The following PPARGC1A variants were observed in gnomAD, a reference collection of about 807,000 sequenced individuals.
PPARGC1A encodes the protein PPARG coactivator 1 alpha.
In PPARGC1A, 25 loss-of-function variants were observed where a neutral mutation model predicts 88.7. The observed-to-expected ratio is 0.28, with a 90% CI of 0.21 to 0.39. PPARGC1A has a LOEUF of 0.39. Ranked by LOEUF, PPARGC1A falls within the 10% of genes least tolerant of loss-of-function variation. The pLI, the probability that PPARGC1A is intolerant of heterozygous loss-of-function variation, is 1.00. For synonymous variants in PPARGC1A, 363 were observed against 355.6 expected (o/e 1.02, Z -0.24); for missense variants, 880 against 968.7 (o/e 0.91, Z 1.22).
intron 10 of PPARGC1A, among the ~76,000 whole-genome samples, chr4:23,811,491 T>G (rs1720887647): frequency 6.6e-6 from 1 of 152,172 alleles, no homozygotes; most frequent in Non-Finnish European, 1.5e-5. Context: ...GAGCATCATG[T>G]CAGAAAAGAC....
At chr4:24,270,325 C>CTGTGTGTGTGTGTG in the PPARGC1A span, among the ~76,000 whole-genome samples, 2 of 67,322 alleles carry the variant, frequency 3.0e-5, no homozygotes, top group African/African-American at 1.2e-4. Context: ...CTCTCTCTCT[C>CTGTGTGTGTGTGTG]TCTCTCTCTG....
the PPARGC1A span, among the ~76,000 whole-genome samples, chr4:24,286,112 T>A: frequency 1.6e-4 from 24 of 152,020 alleles, no homozygotes; most frequent in South Asian, 4.6e-3. Context: ...AATCTCTGCA[T>A]GCAAGCATGT....
chr4:23,843,181 T>C (rs764196035), intron 2 of PPARGC1A, among the ~76,000 whole-genome samples: 12 of 152,160 alleles, frequency 7.9e-5, no homozygotes, highest in Non-Finnish European at 1.3e-4. Flanking sequence ...TTTTATTACA[T>C]AGTCTACCTG....
the PPARGC1A span, among the ~76,000 whole-genome samples, chr4:23,996,801 A>C: frequency 6.6e-6 from 1 of 152,204 alleles, no homozygotes; most frequent in Non-Finnish European, 1.5e-5. Context: ...ATAAATGAAT[A>C]TGCATGACTT....
chr4:23,957,196 G>T, the PPARGC1A span, among the ~76,000 whole-genome samples: 1 of 152,080 alleles, frequency 6.6e-6, no homozygotes, highest in Non-Finnish European at 1.5e-5. Flanking sequence ...GTCATCAGAT[G>T]CCTCCTTCTC....
the PPARGC1A span, among the ~76,000 whole-genome samples, chr4:24,429,914 G>A: frequency 1.3e-5 from 2 of 152,098 alleles, no homozygotes; most frequent in African/African-American, 2.4e-5. Context: ...GCCTCCCAAA[G>A]TGCTGGGATT....
the PPARGC1A span, among the ~76,000 whole-genome samples, chr4:24,440,267 G>T: frequency 2.0e-5 from 3 of 152,284 alleles, no homozygotes; most frequent in South Asian, 6.2e-4. Flanking sequence ...TCCTACAGGG[G>T]ACCACATGGG....
the PPARGC1A span, among the ~76,000 whole-genome samples, chr4:24,344,630 TTTG>T: frequency 6.6e-6 from 1 of 151,874 alleles, no homozygotes; most frequent in African/African-American, 2.4e-5. Flanking sequence ...TTTGTTTGAG[TTTG>T]TTGTAGATTA....
the PPARGC1A span, chr4:24,258,298 C>T: frequency 9.4e-6 from 6 of 636,568 alleles, 1 homozygote; most frequent in South Asian, 4.2e-4. Context: ...TTGTGTTACC[C>T]CCACTTTGCA....
At chr4:24,447,638 G>A in the PPARGC1A span, among the ~76,000 whole-genome samples, 1 of 152,188 alleles carries the variant, frequency 6.6e-6, no homozygotes, top group African/African-American at 2.4e-5. Context: ...CCAGTTGAGT[G>A]GGTTTCCTCC....
the PPARGC1A span, among the ~76,000 whole-genome samples, chr4:24,416,634 C>T: frequency 2.0e-5 from 3 of 152,172 alleles, no homozygotes; most frequent in African/African-American, 7.2e-5. Flanking sequence ...AAATATCTAA[C>T]TGTCGATAGG....
At chr4:24,282,757 T>A in the PPARGC1A span, among the ~76,000 whole-genome samples, 1 of 152,196 alleles carries the variant, frequency 6.6e-6, no homozygotes, top group Non-Finnish European at 1.5e-5. Flanking sequence ...AACTTTTACC[T>A]TTTTTTCCAG....
At chr4:24,085,000 A>C in the PPARGC1A span, among the ~76,000 whole-genome samples, 1 of 152,206 alleles carries the variant, frequency 6.6e-6, no homozygotes, top group African/African-American at 2.4e-5. Context: ...TTGACCCATC[A>C]TCACCATTTA....
intron 2 of PPARGC1A, among the ~76,000 whole-genome samples, chr4:23,868,004 CATG>C (rs1712409898): frequency 6.6e-6 from 1 of 152,166 alleles, no homozygotes; most frequent in Non-Finnish European, 1.5e-5. Flanking sequence ...AAGCTGTGGC[CATG>C]CATTTGCATG....
the PPARGC1A span, among the ~76,000 whole-genome samples, chr4:24,419,123 A>G: frequency 6.6e-6 from 1 of 152,104 alleles, no homozygotes; most frequent in East Asian, 1.9e-4. Context: ...AAGAAGCAGG[A>G]GAGGGGGCTG....
chr4:23,978,741 T>C, the PPARGC1A span, among the ~76,000 whole-genome samples: 1 of 152,204 alleles, frequency 6.6e-6, no homozygotes, highest in Non-Finnish European at 1.5e-5. Context: ...AAGAATATTT[T>C]ATTTAAAGCG....
At chr4:24,142,395 G>C in the PPARGC1A span, among the ~76,000 whole-genome samples, 1 of 152,124 alleles carries the variant, frequency 6.6e-6, no homozygotes, top group Non-Finnish European at 1.5e-5. Context: ...GGAGGGGGCT[G>C]GGTGCGGTGG....
chr4:24,227,844 G>A, the PPARGC1A span, among the ~76,000 whole-genome samples: 1 of 152,214 alleles, frequency 6.6e-6, no homozygotes, highest in Non-Finnish European at 1.5e-5. Flanking sequence ...AATTGTTGGG[G>A]CACAAAATGG....
At chr4:24,271,408 C>T in the PPARGC1A span, among the ~76,000 whole-genome samples, 2 of 151,850 alleles carry the variant, frequency 1.3e-5, no homozygotes, top group Admixed American at 6.6e-5. Flanking sequence ...GATGGAGTCT[C>T]GCTCTGTGGC....
Sources: gnomAD v4.1 joint callset for allele counts (sites outside exome capture counted in the v4.1 genomes callset) on GRCh38, gnomAD v4.1.1 for gene constraint, MANE v1.5 for transcripts, NCBI Gene and HGNC (gene_info 2026-07-23, HGNC 2026-07-21) for gene names.